The following RFX7 variants were observed in gnomAD, a reference collection of about 807,000 sequenced individuals.
RFX7 encodes DNA-binding protein RFX7.
Under a neutral mutation model 111.8 loss-of-function variants are expected in RFX7, and 26 were observed. The observed-to-expected ratio is 0.23, with a 90% CI of 0.17 to 0.32. The LOEUF (loss-of-function observed/expected upper bound fraction) is 0.32, where lower values mean the gene tolerates loss of function less well. RFX7 is among the 10% of genes least tolerant of loss of function. The probability of loss-of-function intolerance (pLI) is 1.00; values close to 1 mark genes in which losing one functional copy is unlikely to be tolerated. For synonymous variants in RFX7, 624 were observed against 624.4 expected (o/e 1.00, Z 0.01); for missense variants, 1,573 against 1,772.9 (o/e 0.89, Z 2.02).
intron 8 of RFX7, 52 bp downstream of exon 8, chr15:56,101,307 A>G: frequency 7.0e-7 from 1 of 1,429,370 alleles, no homozygotes; most frequent in Non-Finnish European, 9.6e-7. Context: ...TACCAATTCT[A>G]AATACAATAA....
intron 2 of RFX7, among the ~76,000 whole-genome samples, chr15:56,210,777 T>C (rs2043306258): frequency 6.6e-6 from 1 of 151,998 alleles, no homozygotes; most frequent in East Asian, 1.9e-4. Context: ...ATGTCAAAAT[T>C]TGTGAGAAAC....
At chr15:56,237,711 T>C (rs781030038) in intron 2 of RFX7, among the ~76,000 whole-genome samples, 2 of 152,162 alleles carry the variant, frequency 1.3e-5, no homozygotes, top group African/African-American at 2.4e-5. Context: ...TATGTACATA[T>C]CCACTACCCA....
intron 2 of RFX7, 147 bp from the exon 3 acceptor site, chr15:56,179,450 C>T (rs1323926519): frequency 3.7e-6 from 1 of 268,494 alleles, no homozygotes; most frequent in Non-Finnish European, 7.5e-6. Flanking sequence ...TAGCCTAAAT[C>T]TGTGTTTTTC....
chr15:56,122,625 G>A (rs1595942611), intron 5 of RFX7, among the ~76,000 whole-genome samples: 1 of 152,306 alleles, frequency 6.6e-6, no homozygotes, highest in African/African-American at 2.4e-5. Flanking sequence ...TCAGGGTTGT[G>A]AGTTGCCCCA....
chr15:56,192,257 T>A (rs2043108050), intron 2 of RFX7: 1 of 161,990 alleles, frequency 6.2e-6, no homozygotes, highest in Non-Finnish European at 1.4e-5. Context: ...TGTGAGGGAA[T>A]GTCTGACCAA....
intron 2 of RFX7, among the ~76,000 whole-genome samples, chr15:56,240,189 C>T (rs577205485): frequency 6.6e-6 from 1 of 151,700 alleles, no homozygotes; most frequent in South Asian, 2.1e-4. Flanking sequence ...ATATTCAATA[C>T]TAAAGCACAT....
At chr15:56,151,573 A>G (rs1284285967) in intron 3 of RFX7, among the ~76,000 whole-genome samples, 4 of 152,210 alleles carry the variant, frequency 2.6e-5, no homozygotes, top group African/African-American at 9.6e-5. Context: ...TAAACATGGA[A>G]AGGAATAACT....
intron 5 of RFX7, among the ~76,000 whole-genome samples, chr15:56,113,619 C>T (rs1214585569): frequency 6.7e-6 from 1 of 149,296 alleles, no homozygotes; most frequent in Non-Finnish European, 1.5e-5. Flanking sequence ...ACCTATGTAA[C>T]AAACCTGCAC....
At chr15:56,210,451 C>T (rs1301873151) in intron 2 of RFX7, among the ~76,000 whole-genome samples, 1 of 152,044 alleles carries the variant, frequency 6.6e-6, no homozygotes, top group Non-Finnish European at 1.5e-5. Flanking sequence ...GAACTCAACA[C>T]CACCACCAAT....
chr15:56,143,749 CAA>C (rs2042432802), intron 4 of RFX7, among the ~76,000 whole-genome samples: 1 of 152,012 alleles, frequency 6.6e-6, no homozygotes, highest in Non-Finnish European at 1.5e-5. Context: ...AGATAAAACT[CAA>C]ATAATTTGCA....
rs2041676161 is a variant in RFX7 at position 56,096,277 on chromosome 15, T to C, written c.1451A>G (p.Asn484Ser). Residue 484 changes from asparagine (N) to serine (S), a missense_variant, in exon 10 of 10, where the codon AAC becomes AGC. This residue lies in a region of RFX7 where 625 missense variants were observed against 632.2 expected (regional missense o/e 0.99). Coordinates refer to ENST00000559447, the MANE Select transcript of RFX7 (RefSeq NM_022841.7). ...AGAATGTTTAAGAGGGGTGTTACTG[T>C]TGCTGGGTGTGAGGGATATTGTTGT... ...KMTTISLTPS[N>S]SNTPLKHSAS... The C allele has an allele frequency of 6.2e-7, 1 of 1,613,968 alleles. No homozygotes were observed. The highest frequency in any genetic ancestry group is 8.5e-7 in the Non-Finnish European group (1 of 1,179,874).
chr15:56,195,293 A>T (rs1305744247), intron 2 of RFX7, among the ~76,000 whole-genome samples: 6 of 152,102 alleles, frequency 3.9e-5, no homozygotes, highest in African/African-American at 1.4e-4. Flanking sequence ...TTCCTTTTGG[A>T]TGATGAAAAA....
rs762551109 is a variant in RFX7, at chr15:56,102,262, C to T, written c.519-9G>A. ...GTCCACTGTAGCAATATGTAATAAA[C>T]AGTTAAGGTCTAAATATTCAAAATT... is the stretch of plus-strand genomic sequence containing the variant. On this transcript the variant is annotated splice_polypyrimidine_tract_variant and intron_variant, in intron 6 of 9. Coordinates refer to ENST00000559447, the MANE Select transcript of RFX7 (RefSeq NM_022841.7). 88 of 1,546,360 alleles carry T rather than the reference C, an allele frequency of 5.7e-5. No individual in the cohort carries two copies. Among genetic ancestry groups the T allele is most frequent in the Non-Finnish European group, 7.7e-5 (87 of 1,122,796 alleles).
At chr15:56,146,276 A>AT (rs1199487511) in intron 3 of RFX7, among the ~76,000 whole-genome samples, 6 of 151,990 alleles carry the variant, frequency 3.9e-5, no homozygotes, top group African/African-American at 1.2e-4. Context: ...TTTTTAATTT[A>AT]TTTTTTGTAG....
intron 3 of RFX7, among the ~76,000 whole-genome samples, chr15:56,173,880 A>G (rs1465650524): frequency 1.3e-5 from 2 of 152,198 alleles, no homozygotes; most frequent in Non-Finnish European, 2.9e-5. Flanking sequence ...AAACAAAATG[A>G]TAAGATGATA....
intron 2 of RFX7, among the ~76,000 whole-genome samples, chr15:56,238,700 G>C (rs774799614): frequency 1.2e-4 from 19 of 152,156 alleles, no homozygotes; most frequent in Non-Finnish European, 2.2e-4. Context: ...AGTAAATGCA[G>C]TATTGGAATA....
chr15:56,173,009 C>A (rs570921707), intron 3 of RFX7, among the ~76,000 whole-genome samples: 1 of 152,168 alleles, frequency 6.6e-6, no homozygotes, highest in African/African-American at 2.4e-5. Flanking sequence ...AAGAAAAAAA[C>A]AAATGAGACG....
rs1475758792 is a variant in RFX7 at position 56,178,182 on chromosome 15, C to CACAT, written c.195+1087_195+1088insATGT. ...CCAAAAAACTACACACACACACACA[C>CACAT]ACACACACACACACACACACACACA... On this transcript the variant is annotated intron_variant, in intron 3 of 9. Coordinates refer to ENST00000559447, the MANE Select transcript of RFX7 (RefSeq NM_022841.7). Among the ~76,000 whole-genome samples, 466 of 138,992 alleles carry CACAT rather than the reference C, an allele frequency of 3.4e-3. 2 individuals are homozygous for CACAT. The highest frequency in any genetic ancestry group is 0.011 in the Middle Eastern group (3 of 274). 91.2% of individuals were successfully genotyped at this position (138,992 alleles called of 152,430 possible).
intron 3 of RFX7, among the ~76,000 whole-genome samples, chr15:56,153,614 A>AATAAACTAGGT (rs2042607464): frequency 6.6e-6 from 1 of 152,192 alleles, no homozygotes; most frequent in Non-Finnish European, 1.5e-5. Flanking sequence ...AAAACCTCTC[A>AATAAACTAGGT]ATAAACTAGG....
Sources: gnomAD v4.1 joint callset for allele counts (sites outside exome capture counted in the v4.1 genomes callset) on GRCh38, gnomAD v4.1.1 for gene constraint, gnomAD v4.1.1 regional missense constraint, MANE v1.5 for transcripts, NCBI Gene and HGNC (gene_info 2026-07-23, HGNC 2026-07-21) for gene names.